The following PI15 variants were observed in gnomAD, a reference collection of about 807,000 sequenced individuals.
PI15 encodes the protein 25 kDa trypsin inhibitor.
In PI15, 18 loss-of-function variants were observed where a neutral mutation model predicts 31.0. That is an observed-to-expected ratio of 0.58 (90% confidence interval 0.40 to 0.86). The LOEUF is 0.86. Among genes scored for constraint, PI15 ranks in the 40% least tolerant of loss-of-function variants. The probability of loss-of-function intolerance (pLI) is 0.00; values close to 1 mark genes in which losing one functional copy is unlikely to be tolerated. For missense variants in PI15, 282 were observed against 328.1 expected (o/e 0.86, Z 1.09); for synonymous variants, 118 against 119.1 (o/e 0.99, Z 0.06).
intron 2 of PI15, among the ~76,000 whole-genome samples, chr8:74,826,766 G>A (rs1191741216): frequency 1.3e-5 from 2 of 151,990 alleles, no homozygotes; most frequent in Non-Finnish European, 2.9e-5. Flanking sequence ...GAAGATAAAG[G>A]TGGTATCTGC....
intron 2 of PI15, among the ~76,000 whole-genome samples, chr8:74,840,666 G>A (rs1810931883): frequency 6.6e-6 from 1 of 152,174 alleles, no homozygotes; most frequent in African/African-American, 2.4e-5. Context: ...GCAAGAAAGA[G>A]CATGGGGCCC....
At chr8:74,847,381 G>T (rs1490229858) in intron 5 of PI15, among the ~76,000 whole-genome samples, 1 of 151,730 alleles carries the variant, frequency 6.6e-6, no homozygotes, top group Non-Finnish European at 1.5e-5. Flanking sequence ...GGTGGTGGAG[G>T]TTGCAGTGAG....
At chr8:74,829,577 C>T (rs1179044119) in intron 2 of PI15, among the ~76,000 whole-genome samples, 2 of 152,062 alleles carry the variant, frequency 1.3e-5, no homozygotes, top group Non-Finnish European at 2.9e-5. Flanking sequence ...ATTTGAAAAA[C>T]TTTGAGGTCC....
At chr8:74,845,290 T>C (rs1300063886) in intron 4 of PI15, 30 bp downstream of exon 4, 2 of 1,608,106 alleles carry the variant, frequency 1.2e-6, no homozygotes, top group Non-Finnish European at 1.7e-6. Context: ...TAATTTTTGA[T>C]TCATACTTTT....
At chr8:74,836,842 C>T (rs1465440222) in intron 2 of PI15, among the ~76,000 whole-genome samples, 1 of 151,978 alleles carries the variant, frequency 6.6e-6, no homozygotes, top group East Asian at 1.9e-4. Context: ...GAAAATCTGC[C>T]TGGGGTGGGC....
chr8:74,825,585 G>A (rs751615902), intron 2 of PI15, 63 bp downstream of exon 2: 332 of 1,328,282 alleles, frequency 2.5e-4, no homozygotes, highest in Non-Finnish European at 3.2e-4. Flanking sequence ...TTGTACATCT[G>A]CAGAATCTCA....
At chr8:74,846,004 T>C (rs73689278) in intron 5 of PI15, 2,259 of 154,886 alleles carry the variant, frequency 0.015, 56 homozygotes, top group African/African-American at 0.051. Context: ...ATTATAAATA[T>C]AGCCATATTT....
intron 2 of PI15, among the ~76,000 whole-genome samples, chr8:74,837,517 C>A (rs1810888654): frequency 6.6e-6 from 1 of 152,106 alleles, no homozygotes; most frequent in Admixed American, 6.6e-5. Context: ...AAAACAGAAC[C>A]ACAATCATGC....
In PI15 at chr8:74,825,225, G is replaced by A. The variant is rs1346691354; in HGVS notation, c.-25G>A. On this transcript the variant is annotated 5_prime_UTR_variant, in exon 2 of 6. Transcript: ENST00000260113. ...TGCTTTAAAGCAAAGTAAACTCGGTGGCCTCTTCTTCTCCACCCCTCAAAA... is the reference window on the plus strand; with the variant it reads ...TGCTTTAAAGCAAAGTAAACTCGGTAGCCTCTTCTTCTCCACCCCTCAAAA... 2 of 1,608,192 alleles carry A rather than the reference G, an allele frequency of 1.2e-6. No individual in the cohort carries two copies. The highest frequency in any genetic ancestry group is 1.7e-5 in the Admixed American group (1 of 59,844).
chr8:74,844,019 G>A lies in PI15; in HGVS notation c.312G>A (p.Trp104Ter). Reference protein sequence around the residue: ...DENLAKSAEAWAATCIWDHGP... With the variant: ...DENLAKSAEA ...ATCTTGCAAAATCGGCAGAGGCTTGGGCGGCTACTTGCATTTGGGACCATG... is the reference window on the plus strand; with the variant it reads ...ATCTTGCAAAATCGGCAGAGGCTTGAGCGGCTACTTGCATTTGGGACCATG... The change falls in exon 3 of 6, where the codon TGG becomes TGA. Residue 104 changes from tryptophan (W) to a stop codon, truncating the protein, a stop_gained. Coordinates refer to ENST00000260113, the MANE Select transcript of PI15 (RefSeq NM_015886.5). LOFTEE classifies it high-confidence loss of function. 1 of 1,609,618 alleles carries A rather than the reference G, an allele frequency of 6.2e-7. No homozygotes were observed.
intron 2 of PI15, among the ~76,000 whole-genome samples, chr8:74,840,525 A>C (rs1810929990): frequency 6.6e-6 from 1 of 152,212 alleles, no homozygotes; most frequent in African/African-American, 2.4e-5. Context: ...CAATGGAGAA[A>C]GACAGAGAAA....
chr8:74,843,844 C>A, intron 2 of PI15, 137 bp from the exon 3 acceptor site: 1 of 666,448 alleles, frequency 1.5e-6, no homozygotes. Context: ...CACTCCAGCC[C>A]GGGCAGAAAA....
At chr8:74,839,437 T>A (rs11781132) in intron 2 of PI15, among the ~76,000 whole-genome samples, 65,658 of 151,998 alleles carry the variant, frequency 0.43, 15,017 homozygotes, top group African/African-American at 0.56. Flanking sequence ...GAACCATTTT[T>A]ATTTTATGAA....
chr8:74,828,240 T>A (rs1810727590), intron 2 of PI15, among the ~76,000 whole-genome samples: 1 of 151,986 alleles, frequency 6.6e-6, no homozygotes, highest in Non-Finnish European at 1.5e-5. Context: ...GAAGAGTCAC[T>A]GAAAGAGCCT....
Position 74,824,635 on chromosome 8 carries a change from T to G in PI15, c.-81T>G, listed in dbSNP as rs1297294582. On this transcript the variant is annotated 5_prime_UTR_variant, in exon 1 of 6. Coordinates refer to ENST00000260113, the MANE Select transcript of PI15 (RefSeq NM_015886.5). ...CTACCACATAGCAAAGAACCTTAAA[T>G]TTTTGGAAGAACAATATATTCATTT... The G allele has an allele frequency of 6.6e-6, 1 of 152,432 alleles. No individual in the cohort carries two copies. The highest frequency in any genetic ancestry group is 1.5e-5 in the Non-Finnish European group (1 of 68,212). The allele number at this position is 152,432 out of a possible 1,614,324, so 9.4% of individuals were successfully genotyped here.
intron 2 of PI15, among the ~76,000 whole-genome samples, chr8:74,827,679 T>C (rs1810719330): frequency 6.6e-6 from 1 of 152,188 alleles, no homozygotes; most frequent in Non-Finnish European, 1.5e-5. Context: ...TCTCATTTGC[T>C]GCATTGAGGA....
At chr8:74,837,974 T>C (rs2128764896) in intron 2 of PI15, among the ~76,000 whole-genome samples, 1 of 152,274 alleles carries the variant, frequency 6.6e-6, no homozygotes, top group South Asian at 2.1e-4. Flanking sequence ...ATTTTAACTT[T>C]ATGAATTTTT....
chr8:74,825,633 T>G (rs1810688097), intron 2 of PI15, 111 bp downstream of exon 2: 1 of 809,270 alleles, frequency 1.2e-6, no homozygotes, highest in Admixed American at 2.8e-5. Context: ...GTATATGGAC[T>G]TTTTACATAT....
At chr8:74,844,951 G>T in intron 3 of PI15, 177 bp from the exon 4 acceptor site, 1 of 598,342 alleles carries the variant, frequency 1.7e-6, no homozygotes, top group Non-Finnish European at 3.0e-6. Flanking sequence ...TCCATGCTTG[G>T]CCCTAGTTGG....
Sources: allele counts gnomAD v4.1 joint callset (sites outside exome capture counted in the v4.1 genomes callset), GRCh38; gene constraint gnomAD v4.1.1; transcripts MANE v1.5; gene names NCBI Gene and HGNC (gene_info 2026-07-23, HGNC 2026-07-21).